Variants in CDK19 observed in about 807,000 individuals in gnomAD.
CDK19 encodes the protein cyclin-dependent kinase 19.
A neutral mutation model predicts 68.3 loss-of-function variants in CDK19; 20 were observed. The observed-to-expected ratio is 0.29, with a 90% confidence interval of 0.21 to 0.43. The LOEUF is 0.43. Ranked by LOEUF, CDK19 falls within the 20% of genes least tolerant of loss-of-function variation. The probability of loss-of-function intolerance (pLI) is 1.00; values close to 1 mark genes in which losing one functional copy is unlikely to be tolerated. For synonymous variants in CDK19, 221 were observed against 222.8 expected, an observed-to-expected ratio of 0.99 and a Z score of 0.07; for missense variants, 339 against 623.5, an observed-to-expected ratio of 0.54 and a Z score of 4.86.
chr6:110,728,603 T>C (rs1776522605), intron 2 of CDK19, among the ~76,000 whole-genome samples: 1 of 152,072 alleles, frequency 6.6e-6, no homozygotes, highest in South Asian at 2.1e-4. Flanking sequence ...GACTGTGTCA[T>C]TTCCCTGCTA....
chr6:110,639,453 C>A (rs1185578663), intron 4 of CDK19, among the ~76,000 whole-genome samples: 1 of 152,146 alleles, frequency 6.6e-6, no homozygotes, highest in Non-Finnish European at 1.5e-5. Flanking sequence ...TCAACGAATG[C>A]ATTTTTTGTA....
At chr6:110,655,527 T>C (rs111943384) in intron 4 of CDK19, among the ~76,000 whole-genome samples, 7 of 152,166 alleles carry the variant, frequency 4.6e-5, no homozygotes, top group African/African-American at 1.7e-4. Flanking sequence ...ATTTTTACTT[T>C]TCCCTGTCAA....
chr6:110,685,558 A>G (rs1772402366), intron 2 of CDK19, among the ~76,000 whole-genome samples: 1 of 152,226 alleles, frequency 6.6e-6, no homozygotes, highest in Non-Finnish European at 1.5e-5. Flanking sequence ...GCACAAGCCA[A>G]ACACATGTAG....
chr6:110,771,837 G>C (rs923428658), intron 1 of CDK19, among the ~76,000 whole-genome samples: 5 of 152,196 alleles, frequency 3.3e-5, no homozygotes, highest in African/African-American at 1.2e-4. Flanking sequence ...CAAATCTCTA[G>C]AGCAGGGGCA....
rs539578198 is a variant in CDK19 at position 110,793,309 on chromosome 6, T to C, written c.128+21700A>G. On this transcript the variant is annotated intron_variant, in intron 1 of 12. Transcript: ENST00000368911. The stretch of plus-strand genomic sequence containing the variant: ...GGCTTAGAGCAAAGGTAAAATCTAA[T>C]ATGACTCTGTTCTCTTCACTATTAT... Among the ~76,000 whole-genome samples the C allele has an allele frequency of 7.2e-5, 11 of 152,340 alleles. No individual in the cohort carries two copies. The South Asian group carries it at 2.3e-3, about 32-fold the overall frequency.
At position 110,656,510 on chromosome 6, in the gene CDK19, G is replaced by A. The variant is rs575142130; in HGVS notation, c.456+10924C>T. 7.9e-5 allele frequency among the ~76,000 whole-genome samples: 12 copies of A among 152,284 alleles called. No individual in the cohort carries two copies. In the East Asian group the frequency reaches 1.5e-3, roughly 20 times the overall value. On this transcript the variant is annotated intron_variant, in intron 4 of 12. Coordinates refer to ENST00000368911, the MANE Select transcript of CDK19 (RefSeq NM_015076.5). ...AAATGCCTTTCCAGTTTGAAATTAT[G>A]TATTTACAACTATATGTAGGCTATC...
At chr6:110,637,147 T>C (rs1044394626) in intron 5 of CDK19, among the ~76,000 whole-genome samples, 1 of 152,236 alleles carries the variant, frequency 6.6e-6, no homozygotes, top group African/African-American at 2.4e-5. Context: ...GTAAAATAAA[T>C]GCGGTAACAT....
At chr6:110,622,021 C>A in intron 11 of CDK19, 67 bp downstream of exon 11, 1 of 828,616 alleles carries the variant, frequency 1.2e-6, no homozygotes, top group Non-Finnish European at 1.9e-6. Context: ...AATTATGGAA[C>A]GATACCTAAA....
chr6:110,731,220 T>C (rs1234261844), intron 2 of CDK19, among the ~76,000 whole-genome samples: 2 of 152,210 alleles, frequency 1.3e-5, no homozygotes, highest in Non-Finnish European at 2.9e-5. Context: ...CATTTTAGCA[T>C]TTTAACAAGA....
At chr6:110,684,847 CCTT>C (rs1348405127) in intron 2 of CDK19, among the ~76,000 whole-genome samples, 4 of 152,114 alleles carry the variant, frequency 2.6e-5, no homozygotes, top group Non-Finnish European at 4.4e-5. Flanking sequence ...AGGCTGAAAA[CCTT>C]ATCATCAGCC....
chr6:110,625,263 AT>A (rs1217873162), intron 8 of CDK19, among the ~76,000 whole-genome samples: 1 of 152,088 alleles, frequency 6.6e-6, no homozygotes, highest in Non-Finnish European at 1.5e-5. Flanking sequence ...TCTCCAGGTG[AT>A]TTGTAGGTAC....
intron 1 of CDK19, among the ~76,000 whole-genome samples, chr6:110,780,482 TTA>T (rs2115029381): frequency 7.1e-6 from 1 of 141,344 alleles, no homozygotes; most frequent in East Asian, 3.7e-4. Flanking sequence ...ACATCAGAAT[TTA>T]TTTTTTTTTA....
intron 2 of CDK19, among the ~76,000 whole-genome samples, chr6:110,684,954 C>A (rs1485418064): frequency 6.6e-6 from 1 of 152,142 alleles, no homozygotes; most frequent in Non-Finnish European, 1.5e-5. Flanking sequence ...GGCTGGCCAA[C>A]ATGGCGAAAC....
At chr6:110,774,676 A>G (rs1290199717) in intron 1 of CDK19, among the ~76,000 whole-genome samples, 6 of 152,246 alleles carry the variant, frequency 3.9e-5, no homozygotes, top group African/African-American at 1.4e-4. Flanking sequence ...AAGGCTGGGC[A>G]CAGTGGGTCA....
chr6:110,728,065 G>T (rs912751019), intron 2 of CDK19, among the ~76,000 whole-genome samples: 1 of 151,738 alleles, frequency 6.6e-6, no homozygotes, highest in Admixed American at 6.6e-5. Context: ...CCAAGGTGGG[G>T]GATCACGAGG....
chr6:110,737,922 C>T (rs1777362428), intron 2 of CDK19, among the ~76,000 whole-genome samples: 1 of 152,146 alleles, frequency 6.6e-6, no homozygotes, highest in South Asian at 2.1e-4. Context: ...AAGGATCACA[C>T]CAAAGAACAG....
At chr6:110,648,939 G>A (rs544203648) in intron 4 of CDK19, among the ~76,000 whole-genome samples, 4 of 151,924 alleles carry the variant, frequency 2.6e-5, no homozygotes, top group East Asian at 1.9e-4. Flanking sequence ...GGCTGGTCTC[G>A]AACTCCTGAC....
intron 4 of CDK19, among the ~76,000 whole-genome samples, chr6:110,663,379 C>A (rs1349000636): frequency 6.6e-6 from 1 of 152,172 alleles, no homozygotes; most frequent in Non-Finnish European, 1.5e-5. Context: ...GTATCTACTA[C>A]AGAATGTATT....
At chr6:110,773,710 A>G (rs757558873) in intron 1 of CDK19, among the ~76,000 whole-genome samples, 1 of 152,116 alleles carries the variant, frequency 6.6e-6, no homozygotes, top group African/African-American at 2.4e-5. Context: ...GTAATACTGA[A>G]TACAATTGTA....
Sources: allele counts gnomAD v4.1 joint callset (sites outside exome capture counted in the v4.1 genomes callset), GRCh38; gene constraint gnomAD v4.1.1; transcripts MANE v1.5; gene names NCBI Gene and HGNC (gene_info 2026-07-23, HGNC 2026-07-21).